GPLD1: variants seen among roughly 807,000 people sequenced by gnomAD.
GPLD1 encodes phosphatidylinositol-glycan-specific phospholipase D.
GPLD1 carries 84 observed loss-of-function variants against 112.6 expected under a neutral mutation model. The ratio of observed to expected loss-of-function variants is 0.75; its 90% confidence interval spans 0.63 to 0.89. GPLD1 has a LOEUF of 0.89. Ranked by LOEUF, GPLD1 falls within the 40% of genes least tolerant of loss-of-function variation. The pLI, the probability that GPLD1 is intolerant of heterozygous loss-of-function variation, is 0.00. For missense variants in GPLD1, 1,044 were observed against 1,051.5 expected (o/e 0.99, Z 0.10); for synonymous variants, 386 against 403.8 (o/e 0.96, Z 0.53).
chr6:24,446,424 C>T (rs1469129152), intron 18 of GPLD1, among the ~76,000 whole-genome samples: 3 of 152,030 alleles, frequency 2.0e-5, no homozygotes, highest in African/African-American at 2.4e-5. Flanking sequence ...GGCAGGAGGA[C>T]GAGTTCGAGC....
Position 24,456,493 on chromosome 6 carries a change from C to T in GPLD1, c.1148+5G>A, listed in dbSNP as rs180751527. On this transcript the variant is annotated splice_donor_5th_base_variant and intron_variant, in intron 13 of 24. Coordinates refer to ENST00000230036, the MANE Select transcript of GPLD1 (RefSeq NM_001503.4). ...CATTCACAAGTTAGATAAACTTATA[C>T]GTACCAGCCAAGCCTCGCATAAGGA... 12 of 1,583,282 alleles carry T rather than the reference C, an allele frequency of 7.6e-6. No homozygotes were observed. The East Asian group carries it at 1.1e-4, about 15-fold the overall frequency.
intron 5 of GPLD1, among the ~76,000 whole-genome samples, chr6:24,474,169 C>A (rs989788082): frequency 8.5e-4 from 63 of 74,268 alleles, no homozygotes; most frequent in African/African-American, 2.2e-3. Flanking sequence ...AAAACCACAC[C>A]CACATACACA....
chr6:24,470,063 CAA>C (rs1763748721), intron 7 of GPLD1, among the ~76,000 whole-genome samples: 1 of 152,002 alleles, frequency 6.6e-6, no homozygotes, highest in Admixed American at 6.6e-5. Context: ...GCAAATGGGA[CAA>C]CCAGCTTTTG....
rs527699590 is a variant in GPLD1, at chr6:24,445,551, G to A, written c.2015C>T (p.Thr672Met). The A allele has an allele frequency of 9.9e-6, 16 of 1,610,224 alleles. No homozygotes were observed. In the African/African-American group the frequency reaches 1.2e-4, roughly 12 times the overall value. The stretch of plus-strand genomic sequence containing the variant: ...TTTCACAGTGTGTGACCTACCGTAC[G>A]TAGGGGCTCCAACCAGCAGCACTTG... The part of the protein sequence containing the change: ...LKQVLLVGAP[T>M]YDDVSKVAFL... Residue 672 changes from threonine to methionine, a missense_variant, in exon 20 of 25, where the codon ACG becomes ATG. Coordinates refer to ENST00000230036, the MANE Select transcript of GPLD1 (RefSeq NM_001503.4).
At chr6:24,459,472 G>T (rs960598018) in intron 12 of GPLD1, among the ~76,000 whole-genome samples, 4 of 152,228 alleles carry the variant, frequency 2.6e-5, no homozygotes, top group Admixed American at 2.6e-4. Flanking sequence ...ACCCAGGCTA[G>T]TCTCAAACTC....
Position 24,436,716 on chromosome 6 carries a change from G to A in GPLD1, c.2218C>T (p.Pro740Ser), listed in dbSNP as rs1287793270. The A allele has an allele frequency of 1.9e-6, 3 of 1,613,580 alleles. No homozygotes were observed. The highest frequency in any genetic ancestry group is 1.7e-5 in the Admixed American group (1 of 59,904). Residue 740 changes from proline to serine, a missense_variant, in exon 22 of 25, where the codon CCC (proline) becomes TCC (serine). Pro to Ser is a moderately conservative substitution (Grantham distance 74, BLOSUM62 -1). Transcript: ENST00000230036. ...DGLDEIIMAA[P>S]LRIADVTSGL... ...GAGGTTACATCTGCTATCCTCAGGG[G>A]GGCTGCCATGATGATTTCATCTGAA...
chr6:24,475,712 G>GC (rs1763991376), intron 4 of GPLD1, among the ~76,000 whole-genome samples: 1 of 141,058 alleles, frequency 7.1e-6, no homozygotes, highest in Non-Finnish European at 1.5e-5. Flanking sequence ...AAAAAAATTA[G>GC]CCGGGCGTGG....
chr6:24,460,468 G>A, intron 11 of GPLD1, 69 bp from the exon 12 acceptor site: 1 of 1,538,272 alleles, frequency 6.5e-7, no homozygotes, highest in Non-Finnish European at 8.9e-7. Flanking sequence ...CTGAGTTGAA[G>A]AATATAGTCA....
chr6:24,494,973 C>A, exon 1 of GPLD1: 1 of 1,305,968 alleles, frequency 7.7e-7, no homozygotes. Flanking sequence ...TTGCCTGTTT[C>A]CTGTCGCCGT....
chr6:24,465,555 A>T (rs1481895346), intron 10 of GPLD1, among the ~76,000 whole-genome samples: 2 of 151,940 alleles, frequency 1.3e-5, no homozygotes, highest in African/African-American at 4.8e-5. Context: ...CAAAAAACAA[A>T]AACACATGTG....
intron 1 of GPLD1, 76 bp from the exon 2 acceptor site, chr6:24,486,206 A>G: frequency 1.1e-6 from 1 of 889,280 alleles, no homozygotes; most frequent in Non-Finnish European, 1.8e-6. Context: ...TGATTTTAAA[A>G]GAAAAATACA....
At chr6:24,425,048 C>T (rs188643015), downstream of GPLD1, 3 of 152,338 alleles carry the variant, frequency 2.0e-5, no homozygotes, top group Admixed American at 6.5e-5. Flanking sequence ...CCTGTGCCAC[C>T]ACACTGTGGG....
chr6:24,453,824 A>C (rs1191046757), intron 14 of GPLD1, among the ~76,000 whole-genome samples, 191 bp downstream of exon 14: 1 of 152,112 alleles, frequency 6.6e-6, no homozygotes, highest in Non-Finnish European at 1.5e-5. Flanking sequence ...GGAAGGTATT[A>C]GACTAATGAT....
At position 24,427,721 on chromosome 6, in the gene GPLD1, C is replaced by A. The variant is rs1333125066; in HGVS notation, c.*1311G>T. Among the ~76,000 whole-genome samples, 1 of 151,618 alleles carries A rather than the reference C, an allele frequency of 6.6e-6. No individual in the cohort carries two copies. The highest frequency in any genetic ancestry group is 1.5e-5 in the Non-Finnish European group (1 of 67,954). On this transcript the variant is annotated 3_prime_UTR_variant, in exon 25 of 25. Transcript: ENST00000230036. The stretch of plus-strand genomic sequence containing the variant: ...ATTAGCCGGGCGTAGTATTGTGCAC[C>A]TGTAGTCCCAGCTGCCTGGGAGGCT...
intron 8 of GPLD1, 50 bp from the exon 9 acceptor site, chr6:24,466,989 A>G: frequency 6.7e-7 from 1 of 1,483,048 alleles, no homozygotes; most frequent in Non-Finnish European, 9.4e-7. Flanking sequence ...TGTAACAGAG[A>G]AATGAAGCAA....
rs56354968 is a variant in GPLD1 at position 24,428,158 on chromosome 6, C to CTTTTTT, written c.*868_*873dup. The CTTTTTT allele has an allele frequency of 7.2e-6, 1 of 139,366 alleles. No individual in the cohort carries two copies. Among genetic ancestry groups the CTTTTTT allele is most frequent in the African/African-American group, 2.7e-5 (1 of 37,598 alleles). 8.6% of individuals were successfully genotyped at this position (139,366 alleles called of 1,614,324 possible). Reference sequence around the variant, plus strand: ...TGTACTATTTTTCCTCCCTCAGTTTCTTTTTTTTTTTTTTTTCTGTATACT... The same window carrying CTTTTTT: ...TGTACTATTTTTCCTCCCTCAGTTTCTTTTTTTTTTTTTTTTTTTTTTCTGTATACT... On this transcript the variant is annotated 3_prime_UTR_variant, in exon 25 of 25. Transcript: ENST00000230036.
intron 5 of GPLD1, among the ~76,000 whole-genome samples, chr6:24,474,731 G>A (rs564739664): frequency 6.6e-6 from 1 of 152,228 alleles, no homozygotes; most frequent in Admixed American, 6.5e-5. Flanking sequence ...CATGAGGTCA[G>A]GAGATCAAGA....
At chr6:24,492,330 C>T (rs1262397066), upstream of GPLD1, among the ~76,000 whole-genome samples, 1 of 151,760 alleles carries the variant, frequency 6.6e-6, no homozygotes. Flanking sequence ...CATGGTGAAA[C>T]CCCATCTCTA....
chr6:24,443,205 T>C (rs1005281253), intron 20 of GPLD1, among the ~76,000 whole-genome samples: 3 of 151,632 alleles, frequency 2.0e-5, no homozygotes. Flanking sequence ...CAAAAGAAAC[T>C]GTTTTAAAGG....
Sources: gnomAD v4.1 joint callset for allele counts (sites outside exome capture counted in the v4.1 genomes callset) on GRCh38, gnomAD v4.1.1 for gene constraint, MANE v1.5 for transcripts, NCBI Gene and HGNC (gene_info 2026-07-23, HGNC 2026-07-21) for gene names.